Variants in CPLANE1 observed in about 807,000 individuals in gnomAD.
CPLANE1 encodes the protein ciliogenesis and planar polarity effector 1.
Under a neutral mutation model 362.5 loss-of-function variants are expected in CPLANE1, and 263 were observed. That is an observed-to-expected ratio of 0.73 (90% CI 0.66 to 0.80). CPLANE1 has a LOEUF of 0.80. Ranked by LOEUF, CPLANE1 falls within the 30% of genes least tolerant of loss-of-function variation. The pLI is 0.00. For missense variants in CPLANE1, 3,461 were observed against 3,793.4 expected, an observed-to-expected ratio of 0.91 and a Z score of 2.30; for synonymous variants, 1,212 against 1,302.6, an observed-to-expected ratio of 0.93 and a Z score of 1.50.
intron 25 of CPLANE1, among the ~76,000 whole-genome samples, chr5:37,184,301 G>A (rs1222351860): frequency 6.6e-6 from 1 of 152,064 alleles, no homozygotes; most frequent in Non-Finnish European, 1.5e-5. Flanking sequence ...GCAGAACACA[G>A]ATCCTTAGTT....
In CPLANE1 at chr5:37,187,533, A is replaced by G; in HGVS notation, c.3961T>C (p.Cys1321Arg). The change falls in exon 23 of 53, where the codon TGT becomes CGT. Residue 1321 changes from cysteine to arginine, a missense_variant. By Grantham distance (180) the Cys-to-Arg change is radical (BLOSUM62 -3). Around this residue, in one of 2 missense-constraint regions of CPLANE1, gnomAD observed 3,380 missense variants for 3,666.1 expected, o/e 0.92. Transcript: ENST00000651892. ...VEFDSCMIEH[C>R]LSAVEWAYRM... ...TAAGCCCATTCCACTGCACTAAGAC[A>G]GTGCTCAATCATACAAGAATCAAAC... 1 of 1,609,654 alleles carries G rather than the reference A, an allele frequency of 6.2e-7. No homozygotes were observed. The highest frequency in any genetic ancestry group is 1.3e-5 in the African/African-American group (1 of 74,808).
rs1554046449 is a variant in CPLANE1 at position 37,115,055 on chromosome 5, C to T, written c.9311-6G>A. ...TATGGTGAAAGTGGCAGTTCCTATA[C>T]AGAGAGACAAACATTATTAGCCTTC... is the stretch of plus-strand genomic sequence containing the variant. On this transcript the variant is annotated splice_polypyrimidine_tract_variant and splice_region_variant and intron_variant, in intron 50 of 52. Coordinates refer to ENST00000651892, the MANE Select transcript of CPLANE1 (RefSeq NM_001384732.1). The T allele has an allele frequency of 6.4e-7, 1 of 1,572,786 alleles. No individual in the cohort carries two copies. Among genetic ancestry groups the T allele is most frequent in the South Asian group, 1.1e-5 (1 of 89,132 alleles).
At chr5:37,144,209 A>T (rs1770721827) in intron 43 of CPLANE1, among the ~76,000 whole-genome samples, 1 of 151,462 alleles carries the variant, frequency 6.6e-6, no homozygotes, top group African/African-American at 2.4e-5. Context: ...GGAGATTGAG[A>T]CCATCCTGGT....
At chr5:37,214,478 CA>C (rs1017003980) in intron 15 of CPLANE1, among the ~76,000 whole-genome samples, 19 of 150,798 alleles carry the variant, frequency 1.3e-4, no homozygotes, top group South Asian at 4.2e-4. Flanking sequence ...GACCCTGACT[CA>C]AAAAAAAATT....
At chr5:37,175,795 G>C in intron 31 of CPLANE1, 114 bp downstream of exon 31, 1 of 709,922 alleles carries the variant, frequency 1.4e-6, no homozygotes, top group Non-Finnish European at 2.4e-6. Context: ...ATTTTTCTTA[G>C]TTTTTAGTCA....
intron 44 of CPLANE1, 34 bp from the exon 45 acceptor site, chr5:37,139,404 GGTTTT>G: frequency 5.3e-6 from 6 of 1,136,502 alleles, no homozygotes; most frequent in Non-Finnish European, 7.2e-6. Flanking sequence ...AAAAATTTTG[GGTTTT>G]TTTTTGCTTT....
rs537263634 is a variant in CPLANE1 at position 37,112,952 on chromosome 5, T to C, written c.9400+2008A>G. Among the ~76,000 whole-genome samples the C allele has an allele frequency of 2.6e-5, 4 of 152,314 alleles. No homozygotes were observed. The South Asian group carries it at 8.3e-4, about 32-fold the overall frequency. Reference sequence around the variant, plus strand: ...AAAAACAAAACAATATAACGGTACATGTAATTTCAACTGTTTTTAGAGGTA... The same window carrying C: ...AAAAACAAAACAATATAACGGTACACGTAATTTCAACTGTTTTTAGAGGTA... On this transcript the variant is annotated intron_variant, in intron 51 of 52. Transcript: ENST00000651892.
At chr5:37,111,574 G>C (rs1269866557) in intron 51 of CPLANE1, among the ~76,000 whole-genome samples, 1 of 152,122 alleles carries the variant, frequency 6.6e-6, no homozygotes, top group Non-Finnish European at 1.5e-5. Flanking sequence ...AGTGCCAAAG[G>C]GAAGGGTGCA....
At chr5:37,168,674 T>G in intron 34 of CPLANE1, 117 bp downstream of exon 34, 1 of 868,910 alleles carries the variant, frequency 1.2e-6, no homozygotes, top group Non-Finnish European at 1.8e-6. Flanking sequence ...TATATGCTAT[T>G]TTCTATAACA....
At chr5:37,087,479 C>T in the CPLANE1 span, among the ~76,000 whole-genome samples, 1 of 152,164 alleles carries the variant, frequency 6.6e-6, no homozygotes, top group South Asian at 2.1e-4. Context: ...TTTTTTGAGA[C>T]GGAGTTTCAC....
intron 43 of CPLANE1, among the ~76,000 whole-genome samples, chr5:37,146,193 T>A (rs1438999384): frequency 2.0e-5 from 3 of 152,108 alleles, no homozygotes; most frequent in Non-Finnish European, 4.4e-5. Flanking sequence ...CTTTTTTTTT[T>A]TTCGAGACGG....
chr5:37,225,407 G>C (rs899044334), intron 12 of CPLANE1, among the ~76,000 whole-genome samples: 1 of 151,826 alleles, frequency 6.6e-6, no homozygotes, highest in Non-Finnish European at 1.5e-5. Flanking sequence ...ATGCCAATAG[G>C]CCTGGCTAAT....
intron 42 of CPLANE1, among the ~76,000 whole-genome samples, chr5:37,148,515 A>G (rs1772441163): frequency 6.6e-6 from 1 of 152,198 alleles, no homozygotes; most frequent in African/African-American, 2.4e-5. Context: ...AGAATGAAGA[A>G]CCTTAATTAC....
chr5:37,157,958 A>AG, intron 39 of CPLANE1, 90 bp from the exon 40 acceptor site: 1 of 762,306 alleles, frequency 1.3e-6, no homozygotes, highest in East Asian at 3.6e-5. Context: ...AAAAAAAAAA[A>AG]GGCTTAATTC....
chr5:37,079,462 T>TATC, the CPLANE1 span, among the ~76,000 whole-genome samples: 3 of 152,246 alleles, frequency 2.0e-5, no homozygotes, highest in African/African-American at 4.8e-5. Context: ...TTTAAATTAG[T>TATC]ATCATCTTTT....
the CPLANE1 span, among the ~76,000 whole-genome samples, chr5:37,098,096 A>C: frequency 6.6e-6 from 1 of 152,078 alleles, no homozygotes; most frequent in African/African-American, 2.4e-5. Context: ...GGGTACTTTA[A>C]AACCTACTCA....
chr5:37,232,248 T>C (rs146017774), intron 8 of CPLANE1, among the ~76,000 whole-genome samples: 278 of 152,148 alleles, frequency 1.8e-3, no homozygotes, highest in Non-Finnish European at 3.0e-3. Flanking sequence ...CCAGGCACGG[T>C]GGCACAGGCC....
chr5:37,154,359 G>T (rs1368719672), intron 41 of CPLANE1, among the ~76,000 whole-genome samples: 1 of 150,718 alleles, frequency 6.6e-6, no homozygotes. Context: ...CTTTATATGA[G>T]ATCTCAGGCA....
chr5:37,225,565 A>G (rs886242168), intron 12 of CPLANE1, among the ~76,000 whole-genome samples: 3 of 152,014 alleles, frequency 2.0e-5, no homozygotes, highest in Non-Finnish European at 2.9e-5. Context: ...TTAAGAGGTC[A>G]TTTTGGCCGG....
Sources: allele counts gnomAD v4.1 joint callset (sites outside exome capture counted in the v4.1 genomes callset), GRCh38; gene constraint gnomAD v4.1.1; regional missense constraint gnomAD v4.1.1; transcripts MANE v1.5; gene names NCBI Gene and HGNC (gene_info 2026-07-23, HGNC 2026-07-21).